ATG7: variants seen among roughly 807,000 people sequenced by gnomAD.
ATG7 encodes autophagy related 7, also known as ubiquitin-like modifier-activating enzyme ATG7.
Under a neutral mutation model 82.4 loss-of-function variants are expected in ATG7, and 70 were observed. The observed-to-expected ratio is 0.85, with a 90% CI of 0.70 to 1.04. ATG7 has a LOEUF of 1.04. Among genes scored for constraint, ATG7 ranks in the 50% least tolerant of loss-of-function variants. The pLI, the probability that ATG7 is intolerant of heterozygous loss-of-function variation, is 0.00. For missense variants in ATG7, 792 were observed against 864.3 expected, an observed-to-expected ratio of 0.92 and a Z score of 1.05; for synonymous variants, 287 against 313.0, an observed-to-expected ratio of 0.92 and a Z score of 0.88.
intron 20 of ATG7, among the ~76,000 whole-genome samples, chr3:11,428,803 G>C (rs1365201201): frequency 6.6e-6 from 1 of 152,184 alleles, no homozygotes; most frequent in Non-Finnish European, 1.5e-5. Context: ...TGTATTGTTA[G>C]CTAGAAGAAT....
chr3:11,553,332 G>A (rs1443138269), intron 20 of ATG7, among the ~76,000 whole-genome samples: 8 of 152,182 alleles, frequency 5.3e-5, no homozygotes, highest in Non-Finnish European at 1.0e-4. Flanking sequence ...GGGAGTATTC[G>A]CAGCAGGTCT....
rs2076228123 is a variant in ATG7, at chr3:11,360,663, G to C, written c.1562G>C (p.Gly521Ala). 1.2e-6 allele frequency: 2 copies of C among 1,613,988 alleles called. No homozygotes were observed. The highest frequency in any genetic ancestry group is 1.7e-6 in the Non-Finnish European group (2 of 1,180,026). The change falls in exon 16 of 21, where the codon GGG (glycine) becomes GCG (alanine). Residue 521 changes from glycine to alanine, a missense_variant. Physicochemically the swap from Gly to Ala is moderately conservative, Grantham distance 60. Coordinates refer to ENST00000693202, the MANE Select transcript of ATG7 (RefSeq NM_001349232.2). ...AAGAAACCAAAGCAGCAAGGAGCTG[G>C]GGACTTGTGTCCAAACCACCCTGTG... ...GLKKPKQQGA[G>A]DLCPNHPVAS... is the part of the protein sequence containing the mutation.
At chr3:11,571,277 A>G in the ATG7 span, among the ~76,000 whole-genome samples, 1 of 152,170 alleles carries the variant, frequency 6.6e-6, no homozygotes, top group African/African-American at 2.4e-5. Flanking sequence ...ACATTGCTTA[A>G]TAATTGAAAA....
chr3:11,442,400 T>C (rs1338125832), intron 20 of ATG7, among the ~76,000 whole-genome samples: 3 of 152,178 alleles, frequency 2.0e-5, no homozygotes, highest in Non-Finnish European at 4.4e-5. Context: ...ACATTTGTTA[T>C]TGGAAACTAA....
intron 20 of ATG7, among the ~76,000 whole-genome samples, chr3:11,461,230 G>C (rs1031518131): frequency 2.6e-5 from 4 of 152,190 alleles, no homozygotes; most frequent in Admixed American, 2.0e-4. Flanking sequence ...GCCTGCACTG[G>C]CATTTTACCC....
intron 18 of ATG7, 105 bp from the exon 19 acceptor site, chr3:11,379,867 C>G (rs189993392): frequency 1.8e-6 from 2 of 1,087,766 alleles, no homozygotes; most frequent in Non-Finnish European, 2.8e-6. Flanking sequence ...CTTTCCGGGC[C>G]GCCATATTAA....
intron 11 of ATG7, among the ~76,000 whole-genome samples, chr3:11,336,922 C>T (rs1952598370): frequency 6.6e-6 from 1 of 152,136 alleles, no homozygotes; most frequent in South Asian, 2.1e-4. Context: ...ATCCTCTAGC[C>T]TCAGCCACCC....
intron 3 of ATG7, among the ~76,000 whole-genome samples, chr3:11,286,583 C>CTTTTTTTTTTTTT (rs5846700): frequency 9.0e-5 from 6 of 66,956 alleles, no homozygotes; most frequent in African/African-American, 2.7e-4. Context: ...TTCTTTCTTT[C>CTTTTTTTTTTTTT]TTTTTTTTTT....
At chr3:11,564,763 A>G in the ATG7 span, 2 of 1,526,304 alleles carry the variant, frequency 1.3e-6, no homozygotes, top group Non-Finnish European at 1.7e-6. Flanking sequence ...CAGCCCCTGG[A>G]CTCCCCACGC....
At chr3:11,357,248 G>A (rs2075993889) in intron 14 of ATG7, among the ~76,000 whole-genome samples, 1 of 152,126 alleles carries the variant, frequency 6.6e-6, no homozygotes, top group Non-Finnish European at 1.5e-5. Context: ...AGTGTCCCTG[G>A]CTTCATTAGC....
chr3:11,331,143 G>A (rs574935271), intron 9 of ATG7, among the ~76,000 whole-genome samples, 197 bp from the exon 10 acceptor site: 1 of 152,250 alleles, frequency 6.6e-6, no homozygotes, highest in South Asian at 2.1e-4. Flanking sequence ...GAATTTGATA[G>A]CCCCTGCTAT....
intron 19 of ATG7, among the ~76,000 whole-genome samples, chr3:11,418,318 GC>G (rs1205701104): frequency 6.8e-6 from 1 of 146,820 alleles, no homozygotes; most frequent in Non-Finnish European, 1.5e-5. Context: ...ACAAAATGTT[GC>G]CCAGGCTGGC....
intron 20 of ATG7, among the ~76,000 whole-genome samples, chr3:11,538,054 CCT>C (rs2070471846): frequency 6.7e-6 from 1 of 148,424 alleles, no homozygotes; most frequent in East Asian, 1.9e-4. Context: ...CCAGATGACC[CCT>C]GTTGTCCAGC....
At chr3:11,460,117 G>A (rs145459226) in intron 20 of ATG7, among the ~76,000 whole-genome samples, 1 of 152,272 alleles carries the variant, frequency 6.6e-6, no homozygotes, top group East Asian at 1.9e-4. Flanking sequence ...CAGCCTCAGT[G>A]CTACATGACC....
At chr3:11,557,824 C>T (rs971994379), downstream of ATG7, 1 of 152,510 alleles carries the variant, frequency 6.6e-6, no homozygotes, top group African/African-American at 2.4e-5. Flanking sequence ...ATAAAATGCC[C>T]GTGATTGGTA....
chr3:11,517,350 AAG>A (rs1459866981), intron 20 of ATG7, among the ~76,000 whole-genome samples: 2 of 110,226 alleles, frequency 1.8e-5, no homozygotes, highest in Non-Finnish European at 4.2e-5. Context: ...AAAAAAAAAA[AAG>A]AAAAGAAAAG....
intron 20 of ATG7, among the ~76,000 whole-genome samples, chr3:11,483,607 T>C (rs1033678546): frequency 6.6e-6 from 1 of 152,180 alleles, no homozygotes; most frequent in Non-Finnish European, 1.5e-5. Flanking sequence ...AAGCCCCCAT[T>C]TTGGCTTCTT....
chr3:11,359,357 A>G (rs554579654), intron 15 of ATG7, among the ~76,000 whole-genome samples: 1 of 152,280 alleles, frequency 6.6e-6, no homozygotes. Context: ...TTGGGATAAT[A>G]AGTTAAATTA....
intron 14 of ATG7, among the ~76,000 whole-genome samples, chr3:11,354,640 T>A: frequency 1.0e-5 from 1 of 99,122 alleles, no homozygotes. Flanking sequence ...AGAGTGAGAC[T>A]CCATCTCACC....
Sources: gnomAD v4.1 joint callset for allele counts (sites outside exome capture counted in the v4.1 genomes callset) on GRCh38, gnomAD v4.1.1 for gene constraint, MANE v1.5 for transcripts, NCBI Gene and HGNC (gene_info 2026-07-23, HGNC 2026-07-21) for gene names.